The following MRPL35 variants were observed in gnomAD, a reference collection of about 807,000 sequenced individuals.
The protein encoded by MRPL35 is large ribosomal subunit protein bL35m.
A neutral mutation model predicts 21.6 loss-of-function variants in MRPL35; 18 were observed. That is an observed-to-expected ratio of 0.83 (90% CI 0.58 to 1.24). The LOEUF (loss-of-function observed/expected upper bound fraction) is 1.24. Ranked by LOEUF, MRPL35 falls within the 50% of genes most tolerant of loss-of-function variation. MRPL35 has a pLI of 0.00. For missense variants in MRPL35, 223 were observed against 223.2 expected (o/e 1.00, Z 0.01); for synonymous variants, 87 against 86.9 (o/e 1.00, Z -0.01).
chr2:86,213,678 A>C lies in MRPL35; in HGVS notation c.*3010A>C, dbSNP rs774673966. 3.7e-5 allele frequency: 58 copies of C among 1,550,078 alleles called. No homozygotes were observed. The highest frequency in any genetic ancestry group is 4.7e-5 in the Non-Finnish European group (54 of 1,146,658). On this transcript the variant is annotated 3_prime_UTR_variant, in exon 4 of 4. Transcript: ENST00000337109. ...AATGTTCAGAGAAGAAAAATGATGG[A>C]CCAAACGTCTGTTTGCACAATTGAA...
chr2:86,203,268 G>A (rs1327835180), intron 1 of MRPL35, among the ~76,000 whole-genome samples: 1 of 151,746 alleles, frequency 6.6e-6, no homozygotes, highest in African/African-American at 2.4e-5. Context: ...ATTTTTAGTA[G>A]AGACGGGGTT....
At chr2:86,204,822 G>A (rs1573970508) in intron 1 of MRPL35, among the ~76,000 whole-genome samples, 1 of 152,170 alleles carries the variant, frequency 6.6e-6, no homozygotes, top group African/African-American at 2.4e-5. Flanking sequence ...CAGGTGGGGT[G>A]TCAACCCCAA....
Position 86,206,296 on chromosome 2 carries a change from G to T in MRPL35, c.233+1G>T. 2 of 1,596,058 alleles carry T rather than the reference G, an allele frequency of 1.3e-6. No homozygotes were observed. The highest frequency in any genetic ancestry group is 1.7e-6 in the Non-Finnish European group (2 of 1,173,902). Reference sequence around the variant, plus strand: ...GGCATACCTCAGTGATCCTTAATAGGTAGAGTATATTTCTTTGTGGGGTTT... The same window carrying T: ...GGCATACCTCAGTGATCCTTAATAGTTAGAGTATATTTCTTTGTGGGGTTT... On this transcript the variant is annotated splice_donor_variant, in intron 2 of 3. Transcript: ENST00000337109. LOFTEE classifies it high-confidence loss of function.
chr2:86,211,575 G>C lies in MRPL35; in HGVS notation c.*907G>C, dbSNP rs1047129012. The C allele has an allele frequency of 3.0e-6, 3 of 985,380 alleles. No homozygotes were observed. The allele number at this position is 985,380 out of a possible 1,614,324, so 61.0% of individuals were successfully genotyped here. On this transcript the variant is annotated 3_prime_UTR_variant, in exon 4 of 4. Transcript: ENST00000337109. ...TTTACTGTAACAACATTTTTTCATA[G>C]GAGAGTAAATAGCCCTTCAGCATGC...
In MRPL35 at chr2:86,210,766, C is replaced by A; in HGVS notation, c.*98C>A. The stretch of plus-strand genomic sequence containing the variant: ...GTACAAAACTTGATGTAAATTGTAC[C>A]AATGAATACGTAAACATACAGTGAC... On this transcript the variant is annotated 3_prime_UTR_variant, in exon 4 of 4. Coordinates refer to ENST00000337109, the MANE Select transcript of MRPL35 (RefSeq NM_016622.4). 1 of 1,447,154 alleles carries A rather than the reference C, an allele frequency of 6.9e-7. No individual in the cohort carries two copies. The highest frequency in any genetic ancestry group is 2.3e-5 in the East Asian group (1 of 42,684). The allele number at this position is 1,447,154 out of a possible 1,614,324, so 89.6% of individuals were successfully genotyped here. A position where few individuals can be genotyped will look rare whatever the true frequency, so the allele number is the denominator to read the frequency against.
intron 1 of MRPL35, among the ~76,000 whole-genome samples, chr2:86,204,418 C>CT (rs773735586): frequency 0.056 from 6,314 of 112,682 alleles, 442 homozygotes; most frequent in African/African-American, 0.16. Context: ...AGCTTTAGGA[C>CT]TTTTTTTTTT....
At position 86,206,141 on chromosome 2, in the gene MRPL35, A is replaced by G. The variant is rs1051944; in HGVS notation, c.79A>G (p.Thr27Ala). 19 of 1,613,748 alleles carry G rather than the reference A, an allele frequency of 1.2e-5. No homozygotes were observed. The highest frequency in any genetic ancestry group is 8.9e-5 in the East Asian group (4 of 44,890). ...GCCCCTGAATATTTTGGCATCTTCA[A>G]CCTACCGCAACTGTGTCAAGAATGC... Reference protein sequence around the residue: ...LRPLNILASSTYRNCVKNASL... With the variant: ...LRPLNILASSAYRNCVKNASL... Residue 27 changes from threonine (T) to alanine (A), a missense_variant, in exon 2 of 4, where the codon ACC (threonine) becomes GCC (alanine). Thr to Ala is a moderately conservative substitution (Grantham distance 58, BLOSUM62 0). Coordinates refer to ENST00000337109, the MANE Select transcript of MRPL35 (RefSeq NM_016622.4).
intron 3 of MRPL35, among the ~76,000 whole-genome samples, chr2:86,208,598 C>T (rs577842759): frequency 1.3e-5 from 2 of 152,320 alleles, no homozygotes; most frequent in South Asian, 4.1e-4. Context: ...TGGGCCGTGA[C>T]GCCTAGCCCC....
intron 1 of MRPL35, among the ~76,000 whole-genome samples, chr2:86,205,451 G>T (rs928909772): frequency 3.3e-5 from 5 of 152,098 alleles, no homozygotes; most frequent in African/African-American, 1.2e-4. Flanking sequence ...AGAGGTGGAG[G>T]AGTTAGAAGG....
Position 86,211,753 on chromosome 2 carries a change from G to C in MRPL35, c.*1085G>C. 2 of 982,724 alleles carry C rather than the reference G, an allele frequency of 2.0e-6. No homozygotes were observed. Among genetic ancestry groups the C allele is most frequent in the Non-Finnish European group, 2.4e-6 (2 of 827,574 alleles). The allele number at this position is 982,724 out of a possible 1,614,324, so 60.9% of individuals were successfully genotyped here. On this transcript the variant is annotated 3_prime_UTR_variant, in exon 4 of 4. Coordinates refer to ENST00000337109, the MANE Select transcript of MRPL35 (RefSeq NM_016622.4). ...TGCAATCATAGCTCATTGAAGCCTC[G>C]CACTCCTGGGCTCAAGTGGTCCTCC...
At chr2:86,206,573 G>A (rs1673798490) in intron 2 of MRPL35, among the ~76,000 whole-genome samples, 1 of 152,180 alleles carries the variant, frequency 6.6e-6, no homozygotes, top group African/African-American at 2.4e-5. Context: ...GCCTGCAGGG[G>A]TATCCTAGAA....
At position 86,213,497 on chromosome 2, in the gene MRPL35, G is replaced by A. The variant is rs12468666; in HGVS notation, c.*2829G>A. On this transcript the variant is annotated 3_prime_UTR_variant, in exon 4 of 4. Transcript: ENST00000337109. ...AATTGGGTCTGTGTTTAATTTTGATGTTTCAAATTTTGAGCTTCCAAGTCT... is the reference window on the plus strand; with the variant it reads ...AATTGGGTCTGTGTTTAATTTTGATATTTCAAATTTTGAGCTTCCAAGTCT... 2 of 1,373,774 alleles carry A rather than the reference G, an allele frequency of 1.5e-6. No individual in the cohort carries two copies. The highest frequency in any genetic ancestry group is 3.2e-5 in the Admixed American group (1 of 31,048). 85.1% of individuals were successfully genotyped at this position (1,373,774 alleles called of 1,614,324 possible).
chr2:86,210,390 T>C (rs1207871171), intron 3 of MRPL35, 90 bp from the exon 4 acceptor site: 2 of 1,067,018 alleles, frequency 1.9e-6, no homozygotes, highest in Non-Finnish European at 2.5e-6. Context: ...TGGTTTTTGT[T>C]CTTATTGGGT....
At chr2:86,206,992 A>G (rs187101632) in intron 2 of MRPL35, among the ~76,000 whole-genome samples, 191 bp from the exon 3 acceptor site, 4 of 152,310 alleles carry the variant, frequency 2.6e-5, no homozygotes, top group African/African-American at 9.6e-5. Flanking sequence ...TAGGTTTTAG[A>G]AGATTGCGAG....
In MRPL35 at chr2:86,211,804, T is replaced by C; in HGVS notation, c.*1136T>C. On this transcript the variant is annotated 3_prime_UTR_variant, in exon 4 of 4. Transcript: ENST00000337109. ...TGCCTCAGCTTACTGAGTAAGGATA[T>C]GTATTTCTTAAAAGTTAGTTTATCC... The C allele has an allele frequency of 1.0e-6, 1 of 985,368 alleles. No homozygotes were observed. Among genetic ancestry groups the C allele is most frequent in the Non-Finnish European group, 1.2e-6 (1 of 829,856 alleles). The allele number at this position is 985,368 out of a possible 1,614,324, so 61.0% of individuals were successfully genotyped here. A position where few individuals can be genotyped will look rare whatever the true frequency, so the allele number is the denominator to read the frequency against.
rs572870297 is a variant in MRPL35, at chr2:86,212,504, A to C, written c.*1836A>C. The C allele has an allele frequency of 6.2e-7, 1 of 1,607,130 alleles. No individual in the cohort carries two copies. The highest frequency in any genetic ancestry group is 1.1e-5 in the South Asian group (1 of 89,888). On this transcript the variant is annotated 3_prime_UTR_variant, in exon 4 of 4. Coordinates refer to ENST00000337109, the MANE Select transcript of MRPL35 (RefSeq NM_016622.4). ...CCTGCTCTCTGATGTACCTCTGGGT[A>C]GTGAGATGGAAATGGTGCCTGCAGA...
intron 1 of MRPL35, 104 bp from the exon 2 acceptor site, chr2:86,206,002 A>G: frequency 1.0e-6 from 1 of 980,896 alleles, no homozygotes; most frequent in South Asian, 1.6e-5. Context: ...TGCTCAGGGC[A>G]CGTTAATTAT....
At chr2:86,206,026 TG>T (rs1673781754) in intron 1 of MRPL35, 79 bp from the exon 2 acceptor site, 1 of 1,215,980 alleles carries the variant, frequency 8.2e-7, no homozygotes, top group Admixed American at 2.1e-5. Flanking sequence ...TAATACTTGG[TG>T]GCAGTGATAC....
Position 86,211,191 on chromosome 2 carries a change from T to C in MRPL35, c.*523T>C, listed in dbSNP as rs1200361706. The C allele has an allele frequency of 1.0e-6, 1 of 979,874 alleles. No individual in the cohort carries two copies. The highest frequency in any genetic ancestry group is 1.8e-5 in the African/African-American group (1 of 57,074). 60.7% of individuals were successfully genotyped at this position (979,874 alleles called of 1,614,324 possible). A position where few individuals can be genotyped will look rare whatever the true frequency, so the allele number is the denominator to read the frequency against. ...TCTTTTTGCATTGTTAACTCCATTC[T>C]CTCTATTCACCAACTTCTCTACACA... On this transcript the variant is annotated 3_prime_UTR_variant, in exon 4 of 4. Transcript: ENST00000337109.
Sources: gnomAD v4.1 joint callset for allele counts (sites outside exome capture counted in the v4.1 genomes callset) on GRCh38, gnomAD v4.1.1 for gene constraint, MANE v1.5 for transcripts, NCBI Gene and HGNC (gene_info 2026-07-23, HGNC 2026-07-21) for gene names.